Variants in CDH8 observed in about 807,000 individuals in gnomAD.
CDH8 encodes the protein cadherin-8.
A neutral mutation model predicts 68.1 loss-of-function variants in CDH8; 17 were observed. The ratio of observed to expected loss-of-function variants is 0.25; its 90% confidence interval spans 0.17 to 0.37. The LOEUF is 0.37. Ranked by LOEUF, CDH8 falls within the 10% of genes least tolerant of loss-of-function variation. CDH8 has a pLI of 1.00. For missense variants in CDH8, 763 were observed against 999.3 expected, an observed-to-expected ratio of 0.76 and a Z score of 3.19; for synonymous variants, 372 against 365.1, an observed-to-expected ratio of 1.02 and a Z score of -0.21.
chr16:61,985,110 G>A (rs893207020), intron 2 of CDH8, among the ~76,000 whole-genome samples: 2 of 150,662 alleles, frequency 1.3e-5, no homozygotes, highest in African/African-American at 4.9e-5. Context: ...CCTCAAGAAT[G>A]TCGGTTTTTT....
At chr16:61,838,880 T>A (rs1328112124) in intron 4 of CDH8, among the ~76,000 whole-genome samples, 1 of 152,136 alleles carries the variant, frequency 6.6e-6, no homozygotes, top group African/African-American at 2.4e-5. Context: ...GTCCCTGAAT[T>A]GTTAAATGAA....
At chr16:61,890,899 G>C (rs1963763329) in intron 3 of CDH8, among the ~76,000 whole-genome samples, 1 of 152,046 alleles carries the variant, frequency 6.6e-6, no homozygotes, top group Non-Finnish European at 1.5e-5. Context: ...GAAACACCCA[G>C]CTTATGTTGA....
At chr16:62,012,209 T>A (rs1901830982) in intron 2 of CDH8, among the ~76,000 whole-genome samples, 1 of 152,230 alleles carries the variant, frequency 6.6e-6, no homozygotes, top group Non-Finnish European at 1.5e-5. Flanking sequence ...TCTAGGTCAT[T>A]CCTATCTGTT....
intron 2 of CDH8, among the ~76,000 whole-genome samples, chr16:61,967,162 CT>C (rs1177684602): frequency 6.6e-6 from 1 of 152,138 alleles, no homozygotes; most frequent in Non-Finnish European, 1.5e-5. Flanking sequence ...GGCTGTGCCA[CT>C]GCACTCCAGA....
At chr16:61,850,968 A>T (rs950107236) in intron 4 of CDH8, among the ~76,000 whole-genome samples, 6 of 152,116 alleles carry the variant, frequency 3.9e-5, no homozygotes, top group Non-Finnish European at 8.8e-5. Context: ...GTATGAAGAC[A>T]TTCCCACCTA....
chr16:61,731,780 A>C (rs1342700951), intron 8 of CDH8, among the ~76,000 whole-genome samples: 3 of 151,870 alleles, frequency 2.0e-5, no homozygotes, highest in Non-Finnish European at 4.4e-5. Context: ...AGGCAAAAGA[A>C]ATCATATGTG....
intron 10 of CDH8, among the ~76,000 whole-genome samples, chr16:61,679,222 A>G (rs2142796170): frequency 6.6e-6 from 1 of 152,180 alleles, no homozygotes; most frequent in African/African-American, 2.4e-5. Context: ...TAAAAATGGA[A>G]CAATGAGCAA....
chr16:61,932,030 A>C (rs1764385037), intron 2 of CDH8, among the ~76,000 whole-genome samples: 1 of 151,994 alleles, frequency 6.6e-6, no homozygotes, highest in South Asian at 2.1e-4. Flanking sequence ...ACACGGTGAA[A>C]CCCTGTCTGT....
chr16:61,815,463 C>T (rs1441678051), intron 7 of CDH8, among the ~76,000 whole-genome samples: 1 of 152,142 alleles, frequency 6.6e-6, no homozygotes, highest in African/African-American at 2.4e-5. Flanking sequence ...GCTAGCTCTG[C>T]CAATAAGATG....
At chr16:62,010,136 T>C (rs1275378390) in intron 2 of CDH8, among the ~76,000 whole-genome samples, 1 of 152,162 alleles carries the variant, frequency 6.6e-6, no homozygotes, top group Non-Finnish European at 1.5e-5. Flanking sequence ...TCAAAAGGGA[T>C]TTATGTACAC....
chr16:61,922,125 A>G (rs1597068025), intron 2 of CDH8, among the ~76,000 whole-genome samples: 1 of 152,294 alleles, frequency 6.6e-6, no homozygotes, highest in Admixed American at 6.5e-5. Context: ...CGAAGTCTCA[A>G]TTTCTATTGT....
At chr16:61,691,059 T>G (rs751785200) in intron 10 of CDH8, among the ~76,000 whole-genome samples, 2 of 152,064 alleles carry the variant, frequency 1.3e-5, no homozygotes, top group Non-Finnish European at 2.9e-5. Context: ...CTGCTCCCAT[T>G]ATCTTCGAAA....
At chr16:61,728,525 C>T (rs935856120) in intron 8 of CDH8, among the ~76,000 whole-genome samples, 1 of 151,004 alleles carries the variant, frequency 6.6e-6, no homozygotes, top group Admixed American at 6.6e-5. Flanking sequence ...AAATATATAT[C>T]TAATGAACTT....
chr16:61,828,216 AC>A, intron 4 of CDH8, among the ~76,000 whole-genome samples: 1 of 152,030 alleles, frequency 6.6e-6, no homozygotes, highest in East Asian at 2.0e-4. Flanking sequence ...TACGAATGCC[AC>A]GGCAACTTCA....
chr16:61,978,496 A>T (rs1965478080), intron 2 of CDH8, among the ~76,000 whole-genome samples: 1 of 152,200 alleles, frequency 6.6e-6, no homozygotes, highest in Non-Finnish European at 1.5e-5. Flanking sequence ...CTGAAATTGA[A>T]TAATTCTGAT....
At chr16:61,885,513 A>G (rs765293262) in intron 3 of CDH8, among the ~76,000 whole-genome samples, 1 of 152,198 alleles carries the variant, frequency 6.6e-6, no homozygotes, top group African/African-American at 2.4e-5. Context: ...GGCTTTCACA[A>G]GGCACTTAAA....
chr16:61,957,893 C>T (rs1965013164), intron 2 of CDH8, among the ~76,000 whole-genome samples: 1 of 152,136 alleles, frequency 6.6e-6, no homozygotes, highest in Admixed American at 6.5e-5. Flanking sequence ...ATTCCAAGAA[C>T]CTAGTGCAGG....
At chr16:61,662,291 T>C (rs1963582736) in intron 10 of CDH8, among the ~76,000 whole-genome samples, 1 of 151,978 alleles carries the variant, frequency 6.6e-6, no homozygotes, top group East Asian at 1.9e-4. Flanking sequence ...TCTCTGAATC[T>C]TAGCCTGCCC....
chr16:61,746,725 T>G lies in CDH8; in HGVS notation c.1415-19510A>C, dbSNP rs183414228. ...TCCGTGAGTTCAAAGGACACTGTGG[T>G]CAGTGCCAGACAGAGTTCATGGATG... On this transcript the variant is annotated intron_variant, in intron 8 of 11. Transcript: ENST00000577390. Among the ~76,000 whole-genome samples the G allele has an allele frequency of 3.3e-5, 5 of 152,146 alleles. No homozygotes were observed. The East Asian group carries it at 9.7e-4, about 29-fold the overall frequency.
Sources: gnomAD v4.1 joint callset for allele counts (sites outside exome capture counted in the v4.1 genomes callset) on GRCh38, gnomAD v4.1.1 for gene constraint, MANE v1.5 for transcripts, NCBI Gene and HGNC (gene_info 2026-07-23, HGNC 2026-07-21) for gene names.